Variants in PCDHA1 observed in about 807,000 individuals in gnomAD.
The protein encoded by PCDHA1 is protocadherin alpha 1.
PCDHA1 carries 42 observed loss-of-function variants against 61.3 expected under a neutral mutation model. The observed-to-expected ratio is 0.69, with a 90% CI of 0.54 to 0.89. The LOEUF (loss-of-function observed/expected upper bound fraction) is 0.89. PCDHA1 is among the 40% of genes least tolerant of loss of function. The pLI is 0.00. For missense variants in PCDHA1, 1,256 were observed against 1,235.3 expected (o/e 1.02, Z -0.25); for synonymous variants, 610 against 553.8 (o/e 1.10, Z -1.43).
chr5:140,971,500 TAGG>T (rs2096483491), intron 1 of PCDHA1, among the ~76,000 whole-genome samples: 2 of 152,136 alleles, frequency 1.3e-5, no homozygotes, highest in Admixed American at 1.3e-4. Flanking sequence ...TGTGGCAAGA[TAGG>T]AGCAAAAGCC....
intron 1 of PCDHA1, chr5:140,869,272 G>A: frequency 6.2e-7 from 1 of 1,613,572 alleles, no homozygotes; most frequent in Non-Finnish European, 8.5e-7. Flanking sequence ...GCTGGAGCTG[G>A]CGGAGCTGGT....
chr5:141,003,452 C>G (rs1554259072), intron 3 of PCDHA1, among the ~76,000 whole-genome samples: 1 of 152,112 alleles, frequency 6.6e-6, no homozygotes, highest in Non-Finnish European at 1.5e-5. Flanking sequence ...GATGAAATTA[C>G]AGGCGTGCAC....
chr5:140,836,170 C>T lies in PCDHA1; in HGVS notation c.2394+47486C>T. 1.9e-6 allele frequency: 3 copies of T among 1,613,826 alleles called. 1 individual carries two copies. The highest frequency in any genetic ancestry group is 2.5e-6 in the Non-Finnish European group (3 of 1,179,794). On this transcript the variant is annotated intron_variant, in intron 1 of 3. Transcript: ENST00000504120. ...GGCCATGTGGTGGCGAAGGTACGTG[C>T]AGTTGACGCTGACTCAGGCTACAAC...
intron 1 of PCDHA1, chr5:140,865,906 T>A (rs2153227023): frequency 6.6e-6 from 1 of 152,286 alleles, no homozygotes; most frequent in Non-Finnish European, 1.5e-5. Flanking sequence ...CAGGCAAATC[T>A]TTCTTTCTGT....
chr5:140,885,287 G>T (rs1224083539), intron 1 of PCDHA1, among the ~76,000 whole-genome samples: 1 of 152,050 alleles, frequency 6.6e-6, no homozygotes, highest in African/African-American at 2.4e-5. Context: ...TACATATATA[G>T]AGAGAGACCT....
At chr5:140,849,732 C>T (rs2150447355) in intron 1 of PCDHA1, 6 of 1,598,488 alleles carry the variant, frequency 3.8e-6, no homozygotes, top group Non-Finnish European at 5.1e-6. Flanking sequence ...GGACAGAGCT[C>T]TGGACCGCGA....
intron 1 of PCDHA1, chr5:140,830,441 G>A (rs2150186537): frequency 6.2e-7 from 1 of 1,608,224 alleles, no homozygotes; most frequent in South Asian, 1.1e-5. Context: ...TATTATGATG[G>A]GTAAGGCGGA....
rs185481644 is a variant in PCDHA1, at chr5:140,906,049, T to C, written c.2395-72900T>C. 1.7e-3 allele frequency among the ~76,000 whole-genome samples: 263 copies of C among 152,304 alleles called. 2 individuals are homozygous for C. Among genetic ancestry groups the C allele is most frequent in the African/African-American group, 5.9e-3 (247 of 41,562 alleles). ...TTCTTCTGTCTGCTTTTATTCTGGC[T>C]GCACTGGCAGCTGATTAGATCGCAC... On this transcript the variant is annotated intron_variant, in intron 1 of 3. Transcript: ENST00000504120.
intron 1 of PCDHA1, chr5:140,812,811 T>C (rs2126641915): frequency 1.4e-4 from 21 of 152,328 alleles, no homozygotes; most frequent in Admixed American, 1.2e-3. Flanking sequence ...AAGTTTTTAT[T>C]GTGTTGTGTT....
rs1455444799 is a variant in PCDHA1, at chr5:140,876,953, T to C, written c.2394+88269T>C. On this transcript the variant is annotated intron_variant, in intron 1 of 3. Coordinates refer to ENST00000504120, the MANE Select transcript of PCDHA1 (RefSeq NM_018900.4). ...AAGAACGCGCTGGTGTCCTACTCGCTGGTGGAGCGGCGGGTGGGCGAGCAC... is the reference window on the plus strand; with the variant it reads ...AAGAACGCGCTGGTGTCCTACTCGCCGGTGGAGCGGCGGGTGGGCGAGCAC... The C allele has an allele frequency of 1.1e-5, 17 of 1,613,306 alleles. No homozygotes were observed. Among genetic ancestry groups the C allele is most frequent in the Non-Finnish European group, 1.4e-5 (17 of 1,179,866 alleles).
chr5:140,811,048 G>T (rs1554125652), intron 1 of PCDHA1: 1 of 152,106 alleles, frequency 6.6e-6, no homozygotes, highest in African/African-American at 2.4e-5. Context: ...GGATACATGT[G>T]CACAACGTGC....
chr5:140,805,194 A>G (rs187521466), intron 1 of PCDHA1: 16,210 of 1,459,160 alleles, frequency 0.011, 123 homozygotes, highest in Non-Finnish European at 0.014. Context: ...TAAATATTGA[A>G]TAGCTACCAA....
chr5:141,005,701 CAAAAAAAAA>C (rs59860837), intron 3 of PCDHA1, among the ~76,000 whole-genome samples: 2 of 7,784 alleles, frequency 2.6e-4, no homozygotes, highest in African/African-American at 4.7e-4. Context: ...AACTCCGTCT[CAAAAAAAAA>C]AAAAAAAAAA....
chr5:140,985,895 A>G (rs782549334), intron 3 of PCDHA1, among the ~76,000 whole-genome samples: 16 of 150,016 alleles, frequency 1.1e-4, no homozygotes, highest in Non-Finnish European at 1.5e-4. Flanking sequence ...GCCCGCCACC[A>G]CTCCCGTCTA....
chr5:140,982,584 C>T (rs1554244599), intron 3 of PCDHA1, 21 bp downstream of exon 3: 1 of 1,612,032 alleles, frequency 6.2e-7, no homozygotes, highest in East Asian at 2.2e-5. Flanking sequence ...GGGGTCTCTC[C>T]ATTCTTTCTT....
At chr5:140,999,244 G>A (rs1554256717) in intron 3 of PCDHA1, among the ~76,000 whole-genome samples, 1 of 152,210 alleles carries the variant, frequency 6.6e-6, no homozygotes, top group African/African-American at 2.4e-5. Flanking sequence ...GTTAAAGTGG[G>A]AGTTGGATTA....
chr5:140,853,726 C>T lies in PCDHA1; in HGVS notation c.2394+65042C>T, dbSNP rs545120074. 3.5e-4 allele frequency: 346 copies of T among 988,324 alleles called. 23 individuals are homozygous for T. The highest frequency in any genetic ancestry group is 4.1e-4 in the Non-Finnish European group (339 of 820,418). The allele number at this position is 988,324 out of a possible 1,614,324, so 61.2% of individuals were successfully genotyped here. On this transcript the variant is annotated intron_variant, in intron 1 of 3. Transcript: ENST00000504120. ...CATTAGCATTAGCAGCACCTAAGTC[C>T]TCATTGAATGTTCTGGTTCAAGGCT...
In PCDHA1 at chr5:141,010,661, C is replaced by T. The variant is rs1331706826; in HGVS notation, c.*724C>T. ...AACAGTTCAGTGTTTTAACAGAGAA[C>T]CACCCTGGGAAACAGAAGCAGATCT... On this transcript the variant is annotated 3_prime_UTR_variant, in exon 4 of 4. Transcript: ENST00000504120. 6.0e-6 allele frequency: 1 copy of T among 166,290 alleles called. No homozygotes were observed. Among genetic ancestry groups the T allele is most frequent in the Non-Finnish European group, 1.3e-5 (1 of 76,066 alleles). 10.3% of individuals were successfully genotyped at this position (166,290 alleles called of 1,614,324 possible).
chr5:140,882,330 T>C (rs1554173536), intron 1 of PCDHA1: 26 of 1,614,056 alleles, frequency 1.6e-5, no homozygotes, highest in Non-Finnish European at 2.1e-5. Context: ...CTTCTGATCC[T>C]CGCAGCCTGG....
Sources: gnomAD v4.1 joint callset for allele counts (sites outside exome capture counted in the v4.1 genomes callset) on GRCh38, gnomAD v4.1.1 for gene constraint, MANE v1.5 for transcripts, NCBI Gene and HGNC (gene_info 2026-07-23, HGNC 2026-07-21) for gene names.